PTPRD: variants seen among roughly 807,000 people sequenced by gnomAD.
The protein encoded by PTPRD is receptor-type tyrosine-protein phosphatase delta.
In PTPRD, 34 loss-of-function variants were observed where a neutral mutation model predicts 214.5. The observed-to-expected ratio is 0.16, with a 90% CI of 0.12 to 0.21. PTPRD has a LOEUF of 0.21. Ranked by LOEUF, PTPRD falls within the 10% of genes least tolerant of loss-of-function variation. The pLI, the probability that PTPRD is intolerant of heterozygous loss-of-function variation, is 1.00. For missense variants in PTPRD, 2,545 were observed against 2,398.7 expected (o/e 1.06, Z -1.27); for synonymous variants, 1,128 against 845.7 (o/e 1.33, Z -5.79).
chr9:8,601,886 T>C (rs549814211), intron 14 of PTPRD, among the ~76,000 whole-genome samples: 5 of 152,130 alleles, frequency 3.3e-5, no homozygotes, highest in African/African-American at 1.2e-4. Flanking sequence ...TTGTGCCAGA[T>C]TGGGGAATCT....
chr9:9,871,736 C>T (rs2065498722), intron 5 of PTPRD, among the ~76,000 whole-genome samples: 1 of 151,096 alleles, frequency 6.6e-6, no homozygotes, highest in South Asian at 2.1e-4. Flanking sequence ...CTAAGATTAT[C>T]TTCCGGAAAG....
intron 5 of PTPRD, among the ~76,000 whole-genome samples, chr9:9,802,069 A>G (rs371003716): frequency 4.6e-5 from 7 of 152,060 alleles, no homozygotes; most frequent in African/African-American, 1.4e-4. Flanking sequence ...TTTAGCACCA[A>G]TTGCTTAATT....
At chr9:8,535,358 G>GT (rs1231909333) in intron 14 of PTPRD, among the ~76,000 whole-genome samples, 1 of 151,914 alleles carries the variant, frequency 6.6e-6, no homozygotes, top group African/African-American at 2.4e-5. Flanking sequence ...AAAGCATAGT[G>GT]TTTGTGCCAA....
intron 7 of PTPRD, among the ~76,000 whole-genome samples, chr9:9,677,325 C>A (rs931982342): frequency 5.3e-5 from 8 of 151,976 alleles, no homozygotes; most frequent in African/African-American, 1.9e-4. Flanking sequence ...AGGAAGGGAT[C>A]CAGTTTCAGC....
At chr9:10,394,166 A>G (rs2098126341) in intron 2 of PTPRD, among the ~76,000 whole-genome samples, 1 of 144,892 alleles carries the variant, frequency 6.9e-6, no homozygotes, top group African/African-American at 2.5e-5. Flanking sequence ...ATAGATATAT[A>G]TACATATATA....
At chr9:9,131,484 C>T (rs1287875888) in intron 10 of PTPRD, among the ~76,000 whole-genome samples, 1 of 151,982 alleles carries the variant, frequency 6.6e-6, no homozygotes, top group Non-Finnish European at 1.5e-5. Context: ...TGTAGCAGTT[C>T]GCTATTACCA....
Position 8,878,153 on chromosome 9 carries a change from G to C in PTPRD, c.-104+140544C>G, listed in dbSNP as rs141853811. Among the ~76,000 whole-genome samples the C allele has an allele frequency of 7.4e-3, 1,132 of 152,294 alleles. 13 individuals carry two copies. The highest frequency in any genetic ancestry group is 0.026 in the African/African-American group (1,080 of 41,554). On this transcript the variant is annotated intron_variant, in intron 11 of 45. Coordinates refer to ENST00000381196, the MANE Select transcript of PTPRD (RefSeq NM_002839.4). ...CCAGATATTACTTATTTCTCAGGAA[G>C]TCATTTGAAGGAACTGTATGAAACA...
In PTPRD at chr9:10,026,661, G is replaced by C. The variant is rs139093358; in HGVS notation, c.-472+7057C>G. Among the ~76,000 whole-genome samples, 371 of 152,218 alleles carry C rather than the reference G, an allele frequency of 2.4e-3. 1 individual carries two copies. Among genetic ancestry groups the C allele is most frequent in the African/African-American group, 8.1e-3 (338 of 41,540 alleles). ...TTTTCTCAATAGAGGAGCACTGTCAGTAATTGTAAACAGCAAAATCTGAAC... is the reference window on the plus strand; with the variant it reads ...TTTTCTCAATAGAGGAGCACTGTCACTAATTGTAAACAGCAAAATCTGAAC... On this transcript the variant is annotated intron_variant, in intron 4 of 45. Coordinates refer to ENST00000381196, the MANE Select transcript of PTPRD (RefSeq NM_002839.4).
In PTPRD at chr9:9,430,975, T is replaced by A. The variant is rs191829131; in HGVS notation, c.-236-33493A>T. ...TTAGAAGAAAACCTAGGCAATACCATTCAGGACATAGGCATGGGCAAGGAC... is the reference window on the plus strand; with the variant it reads ...TTAGAAGAAAACCTAGGCAATACCAATCAGGACATAGGCATGGGCAAGGAC... On this transcript the variant is annotated intron_variant, in intron 8 of 45. Transcript: ENST00000381196. 1.8e-3 allele frequency among the ~76,000 whole-genome samples: 272 copies of A among 152,296 alleles called. 12 individuals carry two copies. In the East Asian group the frequency reaches 0.047, roughly 26 times the overall value.
intron 14 of PTPRD, among the ~76,000 whole-genome samples, chr9:8,542,230 T>C (rs1225131193): frequency 6.6e-6 from 1 of 152,326 alleles, no homozygotes; most frequent in South Asian, 2.1e-4. Flanking sequence ...GCATGTGTAC[T>C]GGGAGTGTAT....
At chr9:9,060,255 A>G (rs562808524) in intron 10 of PTPRD, among the ~76,000 whole-genome samples, 31 of 152,180 alleles carry the variant, frequency 2.0e-4, no homozygotes, top group Non-Finnish European at 4.0e-4. Context: ...CCATGCAAAC[A>G]TAGAGAGTTG....
intron 2 of PTPRD, among the ~76,000 whole-genome samples, chr9:10,555,390 G>A (rs1415879587): frequency 6.6e-6 from 1 of 152,136 alleles, no homozygotes; most frequent in African/African-American, 2.4e-5. Flanking sequence ...TGTATCAATA[G>A]GAAGGAAGAT....
At chr9:8,334,538 C>A (rs1844747165) in intron 43 of PTPRD, among the ~76,000 whole-genome samples, 1 of 138,220 alleles carries the variant, frequency 7.2e-6, no homozygotes. Context: ...ACATTTAAAG[C>A]AGTGTGTAGA....
intron 9 of PTPRD, among the ~76,000 whole-genome samples, chr9:9,241,061 G>C (rs999974679): frequency 2.0e-5 from 3 of 152,076 alleles, no homozygotes; most frequent in African/African-American, 7.2e-5. Flanking sequence ...TAAATGAACT[G>C]AGTGATTTTG....
chr9:8,872,286 C>G (rs1566754619), intron 11 of PTPRD, among the ~76,000 whole-genome samples: 1 of 152,158 alleles, frequency 6.6e-6, no homozygotes, highest in Non-Finnish European at 1.5e-5. Flanking sequence ...GAGAGATCAG[C>G]AAGTCTGTCT....
chr9:9,734,250 G>T (rs1037264400), intron 7 of PTPRD, among the ~76,000 whole-genome samples: 2 of 152,086 alleles, frequency 1.3e-5, no homozygotes, highest in Non-Finnish European at 2.9e-5. Context: ...AACTCTTTCA[G>T]TGGGGATTTA....
intron 11 of PTPRD, among the ~76,000 whole-genome samples, chr9:8,841,505 T>G (rs946795808): frequency 6.6e-6 from 1 of 151,712 alleles, no homozygotes; most frequent in Non-Finnish European, 1.5e-5. Context: ...CATGAGATTA[T>G]TATGTGCCAA....
intron 9 of PTPRD, among the ~76,000 whole-genome samples, chr9:9,245,100 C>G (rs1277019301): frequency 6.6e-6 from 1 of 152,130 alleles, no homozygotes; most frequent in East Asian, 1.9e-4. Context: ...TCGTCTCATA[C>G]CAGTTAGAAT....
At chr9:9,443,774 T>C (rs114992779) in intron 8 of PTPRD, among the ~76,000 whole-genome samples, 2,531 of 152,158 alleles carry the variant, frequency 0.017, 40 homozygotes, top group African/African-American at 0.048. Context: ...GGAATAGAAG[T>C]GCCAAGCTGA....
Sources: allele counts gnomAD v4.1 joint callset (sites outside exome capture counted in the v4.1 genomes callset), GRCh38; gene constraint gnomAD v4.1.1; transcripts MANE v1.5; gene names NCBI Gene and HGNC (gene_info 2026-07-23, HGNC 2026-07-21).